Variants in TAOK1 observed in about 807,000 individuals in gnomAD.
The protein encoded by TAOK1 is TAO kinase 1.
A neutral mutation model predicts 138.3 loss-of-function variants in TAOK1; 21 were observed. The ratio of observed to expected loss-of-function variants is 0.15; its 90% CI spans 0.11 to 0.22. TAOK1 has a LOEUF of 0.22. Among genes scored for constraint, TAOK1 ranks in the 10% least tolerant of loss-of-function variants. The probability of loss-of-function intolerance (pLI) is 1.00; values close to 1 mark genes in which losing one functional copy is unlikely to be tolerated. For missense variants in TAOK1, 651 were observed against 1,227.7 expected (o/e 0.53, Z 7.02); for synonymous variants, 361 against 398.4 (o/e 0.91, Z 1.12).
At chr17:29,477,523 AT>A (rs1009143199) in intron 4 of TAOK1, 137 bp from the exon 5 acceptor site, 47 of 303,880 alleles carry the variant, frequency 1.5e-4, no homozygotes, top group African/African-American at 4.7e-4. Context: ...CTATATAACT[AT>A]TTTTTTAAGG....
intron 2 of TAOK1, among the ~76,000 whole-genome samples, chr17:29,462,554 G>A (rs1411193213): frequency 6.6e-6 from 1 of 152,214 alleles, no homozygotes; most frequent in Admixed American, 6.5e-5. Flanking sequence ...GAAACGGGAT[G>A]TAATATTTAC....
At chr17:29,512,489 C>T (rs2031740200) in intron 15 of TAOK1, 1 of 151,922 alleles carries the variant, frequency 6.6e-6, no homozygotes, top group Non-Finnish European at 1.5e-5. Context: ...AAGTGATTCT[C>T]CTGCCTCAGC....
chr17:29,509,557 TTCCTGAA>T, intron 14 of TAOK1, among the ~76,000 whole-genome samples: 1 of 151,772 alleles, frequency 6.6e-6, no homozygotes, highest in East Asian at 2.0e-4. Context: ...AGGAAAACAA[TTCCTGAA>T]GCAGATATGC....
chr17:29,393,874 A>G (rs1035693310), intron 1 of TAOK1, among the ~76,000 whole-genome samples: 2 of 152,210 alleles, frequency 1.3e-5, no homozygotes, highest in Non-Finnish European at 2.9e-5. Flanking sequence ...AAAGAAGTAC[A>G]GCAATGTACA....
intron 7 of TAOK1, among the ~76,000 whole-genome samples, chr17:29,481,623 T>C (rs2031063997): frequency 6.6e-6 from 1 of 152,074 alleles, no homozygotes; most frequent in Non-Finnish European, 1.5e-5. Flanking sequence ...CCTCTTTCTT[T>C]TGGGGTGGCT....
intron 8 of TAOK1, among the ~76,000 whole-genome samples, chr17:29,488,455 A>C (rs926323796): frequency 6.9e-6 from 1 of 145,384 alleles, no homozygotes; most frequent in Non-Finnish European, 1.6e-5. Flanking sequence ...CTGTAATCCC[A>C]GGTACTCGGG....
chr17:29,477,788 C>A, intron 5 of TAOK1, 82 bp downstream of exon 5: 1 of 861,658 alleles, frequency 1.2e-6, no homozygotes, highest in Non-Finnish European at 1.6e-6. Context: ...ATATTAATAC[C>A]AAATAATGTA....
chr17:29,488,089 C>T (rs1007475459), intron 8 of TAOK1, among the ~76,000 whole-genome samples: 2 of 152,206 alleles, frequency 1.3e-5, no homozygotes, highest in Non-Finnish European at 2.9e-5. Context: ...CTGTATATCT[C>T]AGAATCTTCA....
intron 17 of TAOK1, 107 bp downstream of exon 17, chr17:29,522,626 C>A: frequency 6.9e-7 from 1 of 1,458,578 alleles, no homozygotes; most frequent in Non-Finnish European, 9.2e-7. Context: ...ATTGACTAAG[C>A]TTCTTTTCAT....
intron 18 of TAOK1, 114 bp from the exon 19 acceptor site, chr17:29,534,004 A>C (rs1347253091): frequency 8.4e-7 from 1 of 1,186,706 alleles, no homozygotes; most frequent in Non-Finnish European, 1.1e-6. Flanking sequence ...AAAATTGTCT[A>C]AACTAAAAAA....
chr17:29,513,299 A>G (rs980492153), intron 15 of TAOK1: 3 of 152,142 alleles, frequency 2.0e-5, no homozygotes, highest in Non-Finnish European at 4.4e-5. Context: ...TTACAACTCT[A>G]AATGGTATAA....
chr17:29,458,871 A>AT (rs2030461782), intron 2 of TAOK1, among the ~76,000 whole-genome samples: 1 of 151,462 alleles, frequency 6.6e-6, no homozygotes, highest in Non-Finnish European at 1.5e-5. Flanking sequence ...ATTTTATTTT[A>AT]TTTTTATTTT....
intron 1 of TAOK1, among the ~76,000 whole-genome samples, chr17:29,411,343 G>T (rs953925842): frequency 1.3e-5 from 2 of 151,606 alleles, no homozygotes; most frequent in East Asian, 3.9e-4. Context: ...CGCCCGCCTC[G>T]GCCTCCCAAA....
intron 1 of TAOK1, among the ~76,000 whole-genome samples, chr17:29,447,291 TG>T (rs1202223976): frequency 6.6e-6 from 1 of 152,122 alleles, no homozygotes; most frequent in African/African-American, 2.4e-5. Flanking sequence ...AACTCCACAT[TG>T]TTAAGGATAT....
In TAOK1 at chr17:29,530,527, C is replaced by G; in HGVS notation, c.2269C>G (p.Leu757Val). 6.2e-7 allele frequency: 1 copy of G among 1,614,136 alleles called. No individual in the cohort carries two copies. Among genetic ancestry groups the G allele is most frequent in the Non-Finnish European group, 8.5e-7 (1 of 1,180,022 alleles). ...ACCAAAGAGTGAGCACAAAGCTGTT[C>G]TGAAACGGCTCAAGGAGGAACAGAC... Reference protein sequence around the residue: ...TTPKSEHKAVLKRLKEEQTRK... With the variant: ...TTPKSEHKAVVKRLKEEQTRK... The change falls in exon 18 of 20, where the codon CTG becomes GTG. Residue 757 changes from leucine (L) to valine (V), a missense_variant. Leu to Val is a conservative substitution (Grantham distance 32). Coordinates refer to ENST00000261716, the MANE Select transcript of TAOK1 (RefSeq NM_020791.4).
chr17:29,493,549 C>T (rs1339527740), intron 10 of TAOK1, among the ~76,000 whole-genome samples: 1 of 151,406 alleles, frequency 6.6e-6, no homozygotes, highest in Non-Finnish European at 1.5e-5. Context: ...CAAATAGAAG[C>T]AAAAGAAGCC....
chr17:29,395,729 C>T (rs1012402682), intron 1 of TAOK1, among the ~76,000 whole-genome samples: 3 of 148,166 alleles, frequency 2.0e-5, no homozygotes, highest in African/African-American at 5.0e-5. Context: ...GTGATCACAG[C>T]GTATTGCAGC....
intron 1 of TAOK1, among the ~76,000 whole-genome samples, chr17:29,413,286 A>G (rs1180720640): frequency 6.6e-6 from 1 of 152,124 alleles, no homozygotes; most frequent in African/African-American, 2.4e-5. Flanking sequence ...TTGAGGTGAA[A>G]TGCACATAAC....
intron 17 of TAOK1, among the ~76,000 whole-genome samples, chr17:29,528,839 CAAAAAAAAAAA>C (rs58073512): frequency 8.6e-5 from 6 of 69,404 alleles, no homozygotes; most frequent in South Asian, 6.6e-4. Context: ...GACTCCGTCT[CAAAAAAAAAAA>C]AAAAAAAAAA....
Sources: gnomAD v4.1 joint callset for allele counts (sites outside exome capture counted in the v4.1 genomes callset) on GRCh38, gnomAD v4.1.1 for gene constraint, MANE v1.5 for transcripts, NCBI Gene and HGNC (gene_info 2026-07-23, HGNC 2026-07-21) for gene names.